Variants in SLC8A1 observed in about 807,000 individuals in gnomAD.
SLC8A1 encodes the protein sodium/calcium exchanger 1.
In SLC8A1, 18 loss-of-function variants were observed where a neutral mutation model predicts 68.3. The ratio of observed to expected loss-of-function variants is 0.26; its 90% CI spans 0.18 to 0.39. The LOEUF (loss-of-function observed/expected upper bound fraction) is 0.39. SLC8A1 is among the 10% of genes least tolerant of loss of function. The pLI, the probability that SLC8A1 is intolerant of heterozygous loss-of-function variation, is 1.00. For synonymous variants in SLC8A1, 475 were observed against 415.5 expected (o/e 1.14, Z -1.74); for missense variants, 985 against 1,156.7 (o/e 0.85, Z 2.15).
intron 1 of SLC8A1, among the ~76,000 whole-genome samples, chr2:40,432,391 G>A (rs1300625034): frequency 8.0e-6 from 1 of 124,510 alleles, no homozygotes; most frequent in Non-Finnish European, 1.6e-5. Flanking sequence ...AGGACAAGGA[G>A]AGTGTGAGAT....
intron 7 of SLC8A1, among the ~76,000 whole-genome samples, chr2:40,127,081 A>G (rs1280230868): frequency 6.6e-6 from 1 of 152,204 alleles, no homozygotes; most frequent in Non-Finnish European, 1.5e-5. Flanking sequence ...TGAAAATTTG[A>G]GGATCAAGAA....
chr2:40,406,509 C>T (rs1690390844), intron 2 of SLC8A1, among the ~76,000 whole-genome samples: 1 of 152,158 alleles, frequency 6.6e-6, no homozygotes, highest in Admixed American at 6.6e-5. Context: ...TGCAGCTTTT[C>T]ACTATCAGAC....
At chr2:40,439,222 C>G (rs1166568257) in intron 1 of SLC8A1, among the ~76,000 whole-genome samples, 1 of 152,082 alleles carries the variant, frequency 6.6e-6, no homozygotes, top group Admixed American at 6.6e-5. Flanking sequence ...GGTGTTTTGT[C>G]TTCTCTAAGA....
intron 2 of SLC8A1, among the ~76,000 whole-genome samples, chr2:40,284,417 A>G (rs2067972172): frequency 6.8e-6 from 1 of 147,266 alleles, no homozygotes; most frequent in Non-Finnish European, 1.5e-5. Flanking sequence ...TTATATAGAG[A>G]GATCTATATA....
intron 2 of SLC8A1, among the ~76,000 whole-genome samples, chr2:40,279,582 G>C (rs997095370): frequency 6.6e-6 from 1 of 152,266 alleles, no homozygotes; most frequent in East Asian, 1.9e-4. Flanking sequence ...AACTTTCATT[G>C]CACAGGGACA....
At chr2:40,491,141 C>G (rs183071921) in intron 1 of SLC8A1, among the ~76,000 whole-genome samples, 165 of 152,180 alleles carry the variant, frequency 1.1e-3, no homozygotes, top group African/African-American at 3.8e-3. Flanking sequence ...CTAATTCAAG[C>G]TCTTATTTTA....
intron 6 of SLC8A1, among the ~76,000 whole-genome samples, chr2:40,147,602 C>CA (rs2042697233): frequency 6.6e-6 from 1 of 152,176 alleles, no homozygotes; most frequent in Admixed American, 6.5e-5. Context: ...TAAATATCAC[C>CA]AGCTGTGTCT....
intron 1 of SLC8A1, among the ~76,000 whole-genome samples, chr2:40,481,177 T>C (rs575591444): frequency 1.8e-4 from 28 of 152,226 alleles, no homozygotes; most frequent in Admixed American, 1.2e-3. Flanking sequence ...TCATACACCA[T>C]AGTATTTTAA....
intron 2 of SLC8A1, among the ~76,000 whole-genome samples, chr2:40,249,444 C>A (rs2062396073): frequency 6.6e-6 from 1 of 152,158 alleles, no homozygotes; most frequent in African/African-American, 2.4e-5. Context: ...CTTTCATTTG[C>A]ATAATTTTCC....
chr2:40,109,434 A>G (rs2125048231), exon 8 of SLC8A1: 1 of 152,334 alleles, frequency 6.6e-6, no homozygotes, highest in South Asian at 2.1e-4. Flanking sequence ...AATATGATTC[A>G]AGAGGTATAA....
At chr2:40,241,768 C>T (rs935599825) in intron 2 of SLC8A1, among the ~76,000 whole-genome samples, 1 of 152,258 alleles carries the variant, frequency 6.6e-6, no homozygotes, top group Non-Finnish European at 1.5e-5. Flanking sequence ...TGAGAGTGAC[C>T]TGTCACTTGT....
intron 2 of SLC8A1, among the ~76,000 whole-genome samples, chr2:40,272,805 C>T (rs1000081340): frequency 6.6e-6 from 1 of 152,240 alleles, no homozygotes; most frequent in African/African-American, 2.4e-5. Context: ...GAGCTAATTT[C>T]AGCCTTGAGC....
At chr2:40,407,024 G>GC (rs1178846511) in intron 2 of SLC8A1, among the ~76,000 whole-genome samples, 1 of 152,040 alleles carries the variant, frequency 6.6e-6, no homozygotes, top group Non-Finnish European at 1.5e-5. Flanking sequence ...GCCCAGATCT[G>GC]CCCCTTTCTA....
At chr2:40,215,583 G>C (rs2057333205) in intron 2 of SLC8A1, among the ~76,000 whole-genome samples, 1 of 149,034 alleles carries the variant, frequency 6.7e-6, no homozygotes, top group Non-Finnish European at 1.5e-5. Flanking sequence ...CTTGCAGTGA[G>C]CCGAGATTGT....
chr2:40,410,185 C>T (rs1392719168), intron 2 of SLC8A1, among the ~76,000 whole-genome samples: 1 of 151,704 alleles, frequency 6.6e-6, no homozygotes, highest in Non-Finnish European at 1.5e-5. Flanking sequence ...ATGGGTTGTT[C>T]GATTATTATA....
At chr2:40,116,426 T>TA (rs1215089093) in intron 7 of SLC8A1, among the ~76,000 whole-genome samples, 1 of 152,198 alleles carries the variant, frequency 6.6e-6, no homozygotes, top group African/African-American at 2.4e-5. Flanking sequence ...ACTCGTCATC[T>TA]AGCATTAGGT....
chr2:40,397,250 T>C (rs1486827501), intron 2 of SLC8A1, among the ~76,000 whole-genome samples: 1 of 152,210 alleles, frequency 6.6e-6, no homozygotes, highest in Non-Finnish European at 1.5e-5. Flanking sequence ...GCTGCTAGTG[T>C]ATACATGTCA....
chr2:40,224,240 T>C (rs1033399993), intron 2 of SLC8A1, among the ~76,000 whole-genome samples: 14 of 152,170 alleles, frequency 9.2e-5, no homozygotes, highest in Non-Finnish European at 5.9e-5. Flanking sequence ...CTAGTATGGG[T>C]TGGCATCCTG....
At chr2:40,504,850 C>A (rs895998986) in intron 1 of SLC8A1, among the ~76,000 whole-genome samples, 1 of 151,856 alleles carries the variant, frequency 6.6e-6, no homozygotes, top group Non-Finnish European at 1.5e-5. Context: ...CCTTTGTACA[C>A]TCTTGGTGGG....
Sources: gnomAD v4.1 joint callset for allele counts (sites outside exome capture counted in the v4.1 genomes callset) on GRCh38, gnomAD v4.1.1 for gene constraint, MANE v1.5 for transcripts, NCBI Gene and HGNC (gene_info 2026-07-23, HGNC 2026-07-21) for gene names.